Variants in DNAH6 observed in about 807,000 individuals in gnomAD.
DNAH6 encodes the protein axonemal beta dynein heavy chain 6.
In DNAH6, 340 loss-of-function variants were observed where a neutral mutation model predicts 491.4. That is an observed-to-expected ratio of 0.69 (90% confidence interval 0.63 to 0.76). The LOEUF is 0.76. DNAH6 is among the 30% of genes least tolerant of loss of function. The probability of loss-of-function intolerance (pLI) is 0.00; values close to 1 mark genes in which losing one functional copy is unlikely to be tolerated. For synonymous variants in DNAH6, 1,603 were observed against 1,686.1 expected (o/e 0.95, Z 1.21); for missense variants, 4,443 against 4,972.2 (o/e 0.89, Z 3.20).
At chr2:84,804,562 T>C in intron 70 of DNAH6, among the ~76,000 whole-genome samples, 1 of 152,074 alleles carries the variant, frequency 6.6e-6, no homozygotes. Context: ...TTTTTATTTA[T>C]ATTTTTCTAC....
At chr2:84,550,520 A>G (rs1374152546) in intron 9 of DNAH6, among the ~76,000 whole-genome samples, 1 of 152,198 alleles carries the variant, frequency 6.6e-6, no homozygotes, top group African/African-American at 2.4e-5. Flanking sequence ...GTTATAATCA[A>G]AGCCTACAAT....
At chr2:84,679,319 A>G (rs1337052577) in intron 41 of DNAH6, among the ~76,000 whole-genome samples, 1 of 152,178 alleles carries the variant, frequency 6.6e-6, no homozygotes. Flanking sequence ...CACGATTTGC[A>G]CCGTTGGAAT....
chr2:84,767,490 C>A (rs1675193985), intron 64 of DNAH6, among the ~76,000 whole-genome samples: 1 of 151,954 alleles, frequency 6.6e-6, no homozygotes, highest in Non-Finnish European at 1.5e-5. Context: ...CATGCTACTG[C>A]ACTCCAGCCT....
intron 68 of DNAH6, among the ~76,000 whole-genome samples, chr2:84,790,879 A>T (rs1677661098): frequency 6.6e-6 from 1 of 152,224 alleles, no homozygotes; most frequent in Non-Finnish European, 1.5e-5. Flanking sequence ...AAAAAATTAA[A>T]ACATATGTCC....
chr2:84,683,278 T>G (rs1244475301), intron 42 of DNAH6, among the ~76,000 whole-genome samples: 1 of 152,190 alleles, frequency 6.6e-6, no homozygotes, highest in Non-Finnish European at 1.5e-5. Flanking sequence ...GGCCTGGCAC[T>G]GAATGAATGA....
intron 69 of DNAH6, 98 bp from the exon 70 acceptor site, chr2:84,797,439 T>C (rs577102479): frequency 7.8e-6 from 9 of 1,155,360 alleles, no homozygotes; most frequent in African/African-American, 3.1e-5. Context: ...AGCCAGCTGA[T>C]TGCAGCCACC....
chr2:84,700,962 A>G, intron 48 of DNAH6, 135 bp from the exon 49 acceptor site: 2 of 1,008,770 alleles, frequency 2.0e-6, no homozygotes, highest in Non-Finnish European at 2.8e-6. Context: ...AGCACCATAG[A>G]CATGAGTAGG....
intron 18 of DNAH6, among the ~76,000 whole-genome samples, chr2:84,600,461 A>T (rs142456149): frequency 7.2e-5 from 11 of 152,162 alleles, no homozygotes; most frequent in African/African-American, 2.2e-4. Context: ...GATTTCATCC[A>T]TGATAAAACA....
chr2:84,460,933 A>G, the DNAH6 span, among the ~76,000 whole-genome samples: 1 of 152,206 alleles, frequency 6.6e-6, no homozygotes, highest in Non-Finnish European at 1.5e-5. Context: ...AGCATGACAA[A>G]TTAATGAAGA....
chr2:84,793,440 A>G (rs1677981905), intron 68 of DNAH6, among the ~76,000 whole-genome samples: 1 of 152,156 alleles, frequency 6.6e-6, no homozygotes, highest in Non-Finnish European at 1.5e-5. Context: ...TGCTTGTCAA[A>G]ATGCAGATAT....
At chr2:84,642,635 T>C (rs1221586499) in intron 33 of DNAH6, among the ~76,000 whole-genome samples, 2 of 152,100 alleles carry the variant, frequency 1.3e-5, no homozygotes, top group Non-Finnish European at 2.9e-5. Context: ...CTTTTTTCAG[T>C]GGTTGCCCTA....
At chr2:84,771,711 A>T (rs1369414392) in intron 64 of DNAH6, among the ~76,000 whole-genome samples, 1 of 152,186 alleles carries the variant, frequency 6.6e-6, no homozygotes, top group Non-Finnish European at 1.5e-5. Context: ...GTTAACCAAG[A>T]ATTCTATATC....
chr2:84,699,750 G>A lies in DNAH6; in HGVS notation c.7818+16G>A. ...GTTTGTGCAGGTTGGTGACATCCCA[G>A]GATATCTCTTTGAGAAGTTGGACTT... On this transcript the variant is annotated intron_variant, in intron 48 of 76. Coordinates refer to ENST00000389394, the MANE Select transcript of DNAH6 (RefSeq NM_001370.2). 1 of 1,548,074 alleles carries A rather than the reference G, an allele frequency of 6.5e-7. No homozygotes were observed. Among genetic ancestry groups the A allele is most frequent in the Non-Finnish European group, 8.7e-7 (1 of 1,145,218 alleles).
At chr2:84,705,173 G>A (rs59567535) in intron 51 of DNAH6, among the ~76,000 whole-genome samples, 2 of 152,184 alleles carry the variant, frequency 1.3e-5, no homozygotes, top group Admixed American at 6.5e-5. Context: ...TATGATAAAG[G>A]AGGTAAAATG....
At chr2:84,486,522 G>A in the DNAH6 span, among the ~76,000 whole-genome samples, 25 of 152,312 alleles carry the variant, frequency 1.6e-4, no homozygotes, top group Non-Finnish European at 2.9e-4. Flanking sequence ...GAAAACAAAT[G>A]TACACTGTGA....
Position 84,563,002 on chromosome 2 carries a change from G to A in DNAH6, c.1803+5067G>A, listed in dbSNP as rs142087533. ...GGGCGGGTTTTCCCGTGCTGTTCTC[G>A]TGATAATGAATAAGTCTCAGGAGAT... On this transcript the variant is annotated intron_variant, in intron 11 of 76. Transcript: ENST00000389394. 2.6e-3 allele frequency among the ~76,000 whole-genome samples: 401 copies of A among 152,248 alleles called. 2 individuals carry two copies. Among genetic ancestry groups the A allele is most frequent in the African/African-American group, 9.0e-3 (374 of 41,538 alleles).
intron 10 of DNAH6, among the ~76,000 whole-genome samples, chr2:84,554,489 C>G (rs1449283310): frequency 6.6e-6 from 1 of 152,170 alleles, no homozygotes; most frequent in Non-Finnish European, 1.5e-5. Context: ...CTGCTGTACT[C>G]TGATTCAAAA....
At position 84,549,884 on chromosome 2, in the gene DNAH6, TCAAGC is replaced by T. The variant is rs1171902860; in HGVS notation, c.1317-4_1317del. On this transcript the variant is annotated splice_acceptor_variant and splice_polypyrimidine_tract_variant and coding_sequence_variant and intron_variant, in exon 9 of 77. Coordinates refer to ENST00000389394, the MANE Select transcript of DNAH6 (RefSeq NM_001370.2). LOFTEE classifies it high-confidence loss of function. ...GAAATTGTATTAGTTTTTTTTCTTT[TCAAGC>T]TTTATTCGTCTAAACGACTATCTAA... 6 of 1,579,262 alleles carry T rather than the reference TCAAGC, an allele frequency of 3.8e-6. No homozygotes were observed. The highest frequency in any genetic ancestry group is 4.3e-6 in the Non-Finnish European group (5 of 1,161,916).
the DNAH6 span, among the ~76,000 whole-genome samples, chr2:84,498,492 C>A: frequency 2.1e-4 from 18 of 87,320 alleles, no homozygotes; most frequent in Admixed American, 2.5e-3. Context: ...AGAATAGAAA[C>A]CTGCTCAAGT....
Sources: gnomAD v4.1 joint callset for allele counts (sites outside exome capture counted in the v4.1 genomes callset) on GRCh38, gnomAD v4.1.1 for gene constraint, MANE v1.5 for transcripts, NCBI Gene and HGNC (gene_info 2026-07-23, HGNC 2026-07-21) for gene names.